The following PCDHA4 variants were observed in gnomAD, a reference collection of about 807,000 sequenced individuals.
PCDHA4 encodes protocadherin alpha 4, also known as protocadherin alpha-4.
A neutral mutation model predicts 61.4 loss-of-function variants in PCDHA4; 49 were observed. That is an observed-to-expected ratio of 0.80 (90% CI 0.63 to 1.01). PCDHA4 has a LOEUF of 1.01. Ranked by LOEUF, PCDHA4 falls within the 50% of genes least tolerant of loss-of-function variation. The pLI is 0.00. For missense variants in PCDHA4, 1,254 were observed against 1,235.8 expected, an observed-to-expected ratio of 1.01 and a Z score of -0.22; for synonymous variants, 590 against 550.3, an observed-to-expected ratio of 1.07 and a Z score of -1.01.
chr5:140,945,992 G>T (rs1271634546), intron 1 of PCDHA4, among the ~76,000 whole-genome samples: 1 of 151,978 alleles, frequency 6.6e-6, no homozygotes, highest in Non-Finnish European at 1.5e-5. Flanking sequence ...CTAATGGATT[G>T]CATCAAACTA....
At chr5:140,903,329 G>A (rs2070195936) in intron 1 of PCDHA4, among the ~76,000 whole-genome samples, 1 of 152,160 alleles carries the variant, frequency 6.6e-6, no homozygotes, top group Non-Finnish European at 1.5e-5. Context: ...TTTTATTGAG[G>A]AAAGGATGCA....
At chr5:140,953,545 C>A (rs551898012) in intron 1 of PCDHA4, among the ~76,000 whole-genome samples, 1 of 152,204 alleles carries the variant, frequency 6.6e-6, no homozygotes, top group Admixed American at 6.5e-5. Context: ...CATGCTGATT[C>A]TTTTCTCCAA....
At chr5:140,958,326 A>T (rs1440413634) in intron 1 of PCDHA4, among the ~76,000 whole-genome samples, 1 of 152,150 alleles carries the variant, frequency 6.6e-6, no homozygotes, top group Non-Finnish European at 1.5e-5. Flanking sequence ...CTCAAAAAAT[A>T]AATAAATCAC....
chr5:140,853,897 G>A, intron 1 of PCDHA4: 2 of 967,612 alleles, frequency 2.1e-6, no homozygotes, highest in Non-Finnish European at 2.5e-6. Context: ...AAAAGATGTG[G>A]TGGCCTGACA....
At chr5:140,992,131 T>C (rs1554252686) in intron 3 of PCDHA4, among the ~76,000 whole-genome samples, 1 of 151,874 alleles carries the variant, frequency 6.6e-6, no homozygotes, top group African/African-American at 2.4e-5. Flanking sequence ...GAACAGTGAC[T>C]GATGATGCTA....
At chr5:140,829,606 G>A (rs2150171112) in intron 1 of PCDHA4, 1 of 1,612,068 alleles carries the variant, frequency 6.2e-7, no homozygotes. Flanking sequence ...GCGCGTTGTC[G>A]AGCTACATTT....
chr5:140,847,157 T>G (rs1780881286), intron 1 of PCDHA4, among the ~76,000 whole-genome samples: 1 of 149,630 alleles, frequency 6.7e-6, no homozygotes. Context: ...TCTTGATTTC[T>G]GAGTAATAAA....
intron 1 of PCDHA4, chr5:140,836,731 C>T (rs2150268895): frequency 1.2e-6 from 2 of 1,609,678 alleles, no homozygotes; most frequent in Middle Eastern, 1.6e-4. Context: ...CCATCCTCTA[C>T]AGACAATGTG....
intron 1 of PCDHA4, among the ~76,000 whole-genome samples, chr5:140,973,841 G>A (rs2096604649): frequency 6.6e-6 from 1 of 152,188 alleles, no homozygotes; most frequent in Admixed American, 6.5e-5. Context: ...CTTGCTTGTT[G>A]CCTACCAATT....
At position 141,006,497 on chromosome 5, in the gene PCDHA4, G is replaced by C. The variant is rs575942325; in HGVS notation, c.2534-3130G>C. Among the ~76,000 whole-genome samples the C allele has an allele frequency of 2.6e-5, 4 of 152,288 alleles. No homozygotes were observed. In the South Asian group the frequency reaches 8.3e-4, roughly 32 times the overall value. ...CAAAGTGCTGGGATTACATGTGTGA[G>C]CCACCGCGCCTGGCTGTTATACATC... On this transcript the variant is annotated intron_variant, in intron 3 of 3. Transcript: ENST00000530339.
At chr5:140,836,696 C>T (rs140050284) in intron 1 of PCDHA4, 1 of 1,613,304 alleles carries the variant, frequency 6.2e-7, no homozygotes, top group African/African-American at 1.3e-5. Context: ...ACCTCATGGC[C>T]TTCAGTCCCA....
At chr5:140,836,797 C>A in intron 1 of PCDHA4, 1 of 1,343,980 alleles carries the variant, frequency 7.4e-7, no homozygotes, top group Admixed American at 2.4e-5. Flanking sequence ...AATTGGTCTC[C>A]TTAAATTTTC....
intron 1 of PCDHA4, among the ~76,000 whole-genome samples, chr5:140,838,280 A>ATTTT (rs34299325): frequency 0.022 from 3,084 of 139,540 alleles, 138 homozygotes; most frequent in African/African-American, 0.08. Context: ...AGCCATGCTA[A>ATTTT]TTTTTTTTTT....
chr5:140,984,086 A>C (rs187283969), intron 3 of PCDHA4, among the ~76,000 whole-genome samples: 1 of 152,356 alleles, frequency 6.6e-6, no homozygotes, highest in Admixed American at 6.5e-5. Flanking sequence ...GGAGTGAAGA[A>C]ATGATGGAGG....
intron 1 of PCDHA4, chr5:140,849,693 A>T (rs2150445321): frequency 6.3e-7 from 1 of 1,598,584 alleles, no homozygotes; most frequent in South Asian, 1.1e-5. Flanking sequence ...GCTGGTGTCC[A>T]CCTACAAGAA....
At chr5:140,853,515 G>A in intron 1 of PCDHA4, 1 of 976,904 alleles carries the variant, frequency 1.0e-6, no homozygotes, top group Non-Finnish European at 1.2e-6. Context: ...CAATAATGAA[G>A]CTCCTCCTAT....
intron 1 of PCDHA4, 34 bp from the exon 2 acceptor site, chr5:140,978,915 A>G: frequency 6.2e-7 from 1 of 1,613,970 alleles, no homozygotes; most frequent in Non-Finnish European, 8.5e-7. Context: ...TTGTCTTGTC[A>G]TTTTAACAGA....
intron 1 of PCDHA4, among the ~76,000 whole-genome samples, chr5:140,874,110 C>T (rs115562650): frequency 0.024 from 3,605 of 152,160 alleles, 51 homozygotes; most frequent in Middle Eastern, 0.034. Flanking sequence ...AATTACTTAA[C>T]GTTTTATAGT....
At chr5:140,968,921 T>C (rs111394602) in intron 1 of PCDHA4, 34 of 1,614,098 alleles carry the variant, frequency 2.1e-5, no homozygotes, top group Non-Finnish European at 2.6e-5. Context: ...GTCTTTTATA[T>C]TTCTTTTGAC....
Sources: gnomAD v4.1 joint callset for allele counts (sites outside exome capture counted in the v4.1 genomes callset) on GRCh38, gnomAD v4.1.1 for gene constraint, MANE v1.5 for transcripts, NCBI Gene and HGNC (gene_info 2026-07-23, HGNC 2026-07-21) for gene names.